TAFA5: variants seen among roughly 807,000 people sequenced by gnomAD.
The protein encoded by TAFA5 is chemokine-like protein TAFA-5.
TAFA5 carries 6 observed loss-of-function variants against 15.3 expected under a neutral mutation model. The ratio of observed to expected loss-of-function variants is 0.39; its 90% CI spans 0.21 to 0.77. The LOEUF (loss-of-function observed/expected upper bound fraction) is 0.77, where lower values mean the gene tolerates loss of function less well. TAFA5 is among the 30% of genes least tolerant of loss of function. The pLI is 0.41. For missense variants in TAFA5, 161 were observed against 193.1 expected (o/e 0.83, Z 0.98); for synonymous variants, 103 against 80.7 (o/e 1.28, Z -1.48).
chr22:48,611,288 C>G (rs963569248), intron 1 of TAFA5, among the ~76,000 whole-genome samples: 3 of 152,250 alleles, frequency 2.0e-5, no homozygotes, highest in African/African-American at 4.8e-5. Context: ...AATACAGCCT[C>G]TCTGCTCCCT....
chr22:48,573,334 G>T (rs1923652057), intron 1 of TAFA5, among the ~76,000 whole-genome samples: 1 of 152,210 alleles, frequency 6.6e-6, no homozygotes, highest in Admixed American at 6.5e-5. Context: ...CTTAGATTTT[G>T]ATTAGCATTT....
At chr22:48,553,667 A>G (rs1922933478) in intron 1 of TAFA5, among the ~76,000 whole-genome samples, 1 of 152,140 alleles carries the variant, frequency 6.6e-6, no homozygotes, top group Non-Finnish European at 1.5e-5. Context: ...GTCTCTGAGC[A>G]TACCTCCATG....
rs1922876237 is a variant in TAFA5 at position 48,552,073 on chromosome 22, C to T, written c.112+62369C>T. Among the ~76,000 whole-genome samples the T allele has an allele frequency of 6.6e-6, 1 of 152,254 alleles. No homozygotes were observed. Among genetic ancestry groups the T allele is most frequent in the African/African-American group, 2.4e-5 (1 of 41,474 alleles). ...GAAGCGTCCTCCAGTGCTCCCTCTG[C>T]TGTGCTCTGTCACTGTGGCTGTGTG... On this transcript the variant is annotated intron_variant, in intron 1 of 3. Transcript: ENST00000402357. This position sits in a 1 kb window ranked among gnomAD's most constrained non-coding sequence, Gnocchi z 4.1.
intron 1 of TAFA5, among the ~76,000 whole-genome samples, chr22:48,517,261 G>A (rs73888405): frequency 9.5e-4 from 144 of 152,210 alleles, no homozygotes; most frequent in African/African-American, 3.2e-3. Flanking sequence ...ACTGCTACAG[G>A]GCCCAGCTGG....
intron 2 of TAFA5, among the ~76,000 whole-genome samples, chr22:48,654,949 C>A (rs540682256): frequency 8.5e-5 from 13 of 152,290 alleles, no homozygotes; most frequent in African/African-American, 2.4e-4. Flanking sequence ...CAGCCTAGGC[C>A]TATGGGGTCT....
intron 1 of TAFA5, among the ~76,000 whole-genome samples, chr22:48,612,622 G>A (rs550319866): frequency 6.6e-6 from 1 of 150,646 alleles, no homozygotes; most frequent in Admixed American, 6.6e-5. Context: ...CGTGTCTCCC[G>A]TTCCCCGCGT....
intron 1 of TAFA5, among the ~76,000 whole-genome samples, chr22:48,644,288 T>A (rs2147200591): frequency 6.6e-6 from 1 of 152,262 alleles, no homozygotes; most frequent in East Asian, 1.9e-4. Context: ...GGTTGGTTCA[T>A]AGTCCCAGGG....
At chr22:48,664,364 T>C (rs1465952605) in intron 2 of TAFA5, among the ~76,000 whole-genome samples, 1 of 152,190 alleles carries the variant, frequency 6.6e-6, no homozygotes, top group African/African-American at 2.4e-5. Flanking sequence ...TGAAATGATC[T>C]TCCCTCATCA....
rs1169358539 is a variant in TAFA5, at chr22:48,550,701, T to C, written c.112+60997T>C. ...AGGTGGCTTGCCTGGGACCACACAG[T>C]GGTTGGGTGTGGAGTCCGGACAAGG... On this transcript the variant is annotated intron_variant, in intron 1 of 3. Transcript: ENST00000402357. This position sits in a 1 kb window ranked among gnomAD's most constrained non-coding sequence, Gnocchi z 4.1. Among the ~76,000 whole-genome samples, 2 of 151,936 alleles carry C rather than the reference T, an allele frequency of 1.3e-5. No homozygotes were observed. The highest frequency in any genetic ancestry group is 6.6e-5 in the Admixed American group (1 of 15,256).
At position 48,675,201 on chromosome 22, in the gene TAFA5, G is replaced by C. The variant is rs76928801; in HGVS notation, c.262+28455G>C. ...AGGTGATCCACCCACCTCGGCCTCC[G>C]AAGCTCTGTGGCCTTTTAAGAAAAA... On this transcript the variant is annotated intron_variant, in intron 2 of 3. Transcript: ENST00000402357. 7.0e-3 allele frequency among the ~76,000 whole-genome samples: 1,061 copies of C among 152,282 alleles called. 14 individuals carry two copies. Among genetic ancestry groups the C allele is most frequent in the African/African-American group, 0.024 (1,013 of 41,558 alleles).
intron 2 of TAFA5, among the ~76,000 whole-genome samples, chr22:48,704,995 G>C (rs2147249305): frequency 6.6e-6 from 1 of 152,090 alleles, no homozygotes; most frequent in African/African-American, 2.4e-5. Flanking sequence ...CAGAGAAAGA[G>C]AGACAGCGAG....
At chr22:48,650,969 A>G (rs1392821552) in intron 2 of TAFA5, among the ~76,000 whole-genome samples, 1 of 152,224 alleles carries the variant, frequency 6.6e-6, no homozygotes, top group African/African-American at 2.4e-5. Context: ...ACAGCACGGC[A>G]CTGAGGACTG....
At chr22:48,584,221 A>G (rs1028195797) in intron 1 of TAFA5, among the ~76,000 whole-genome samples, 1 of 149,358 alleles carries the variant, frequency 6.7e-6, no homozygotes, top group Non-Finnish European at 1.5e-5. Context: ...AATACACCAC[A>G]TACACCACAC....
intron 1 of TAFA5, among the ~76,000 whole-genome samples, chr22:48,642,952 T>G (rs1273393691): frequency 6.6e-6 from 1 of 152,152 alleles, no homozygotes; most frequent in Non-Finnish European, 1.5e-5. Flanking sequence ...CTGTCAGTAG[T>G]CCCAGAAGGA....
At chr22:48,494,272 A>G (rs569291845) in intron 1 of TAFA5, among the ~76,000 whole-genome samples, 1 of 152,212 alleles carries the variant, frequency 6.6e-6, no homozygotes. Context: ...CCATTTCTTT[A>G]TATAGGCTCG....
At chr22:48,628,604 A>G (rs1457497502) in intron 1 of TAFA5, among the ~76,000 whole-genome samples, 1 of 152,166 alleles carries the variant, frequency 6.6e-6, no homozygotes, top group Non-Finnish European at 1.5e-5. Context: ...AGGAGAGGCG[A>G]TGCTTGGACC....
chr22:48,652,945 C>T (rs1489191743), intron 2 of TAFA5, among the ~76,000 whole-genome samples: 1 of 152,180 alleles, frequency 6.6e-6, no homozygotes, highest in Non-Finnish European at 1.5e-5. Context: ...TGGGTCCTGG[C>T]CACCCTGGAC....
chr22:48,698,741 C>T (rs1928806943), intron 2 of TAFA5, among the ~76,000 whole-genome samples: 1 of 150,906 alleles, frequency 6.6e-6, no homozygotes, highest in Non-Finnish European at 1.5e-5. Flanking sequence ...CGGGTGCCTC[C>T]TGGCCTCCCT....
chr22:48,565,765 G>T (rs2147135012), intron 1 of TAFA5, among the ~76,000 whole-genome samples: 1 of 152,366 alleles, frequency 6.6e-6, no homozygotes, highest in Non-Finnish European at 1.5e-5. Flanking sequence ...GACTAGAATT[G>T]CCTTGGAGCA....
Sources: gnomAD v4.1 joint callset for allele counts (sites outside exome capture counted in the v4.1 genomes callset) on GRCh38, gnomAD v4.1.1 for gene constraint, Gnocchi (gnomAD v3.1) non-coding constraint, MANE v1.5 for transcripts, NCBI Gene and HGNC (gene_info 2026-07-23, HGNC 2026-07-21) for gene names.